The following ENOPH1 variants were observed in gnomAD, a reference collection of about 807,000 sequenced individuals.
ENOPH1 encodes the protein enolase-phosphatase E1.
In ENOPH1, 14 loss-of-function variants were observed where a neutral mutation model predicts 31.1. That is an observed-to-expected ratio of 0.45 (90% CI 0.30 to 0.70). The LOEUF (loss-of-function observed/expected upper bound fraction) is 0.70, where lower values mean the gene tolerates loss of function less well. ENOPH1 is among the 30% of genes least tolerant of loss of function. The pLI is 0.09. For missense variants in ENOPH1, 243 were observed against 321.5 expected (o/e 0.76, Z 1.87); for synonymous variants, 127 against 123.2 (o/e 1.03, Z -0.21).
rs79339737 is a variant in ENOPH1 at position 82,437,251 on chromosome 4, G to A, written c.84+6338G>A. ...CCTGTCATGTTCCAGGATATGGTAG[G>A]GATCCAGAGTCCTTAAGACCCAGCT... On this transcript the variant is annotated intron_variant, in intron 1 of 5. Transcript: ENST00000273920. 6.6e-4 allele frequency among the ~76,000 whole-genome samples: 101 copies of A among 152,176 alleles called. 1 individual carries two copies. The East Asian group carries it at 0.017, about 25-fold the overall frequency.
intron 5 of ENOPH1, among the ~76,000 whole-genome samples, chr4:82,459,629 C>A (rs562718899): frequency 6.6e-6 from 1 of 151,988 alleles, no homozygotes; most frequent in Non-Finnish European, 1.5e-5. Flanking sequence ...GCTCAGTTCT[C>A]GGTATGGGCT....
intron 2 of ENOPH1, among the ~76,000 whole-genome samples, chr4:82,450,465 T>C (rs1251916462): frequency 2.6e-5 from 4 of 152,236 alleles, no homozygotes; most frequent in Non-Finnish European, 5.9e-5. Context: ...GAAACATACA[T>C]ACATAGTCCC....
intron 2 of ENOPH1, among the ~76,000 whole-genome samples, chr4:82,450,387 T>C (rs1263014245): frequency 3.3e-5 from 5 of 152,234 alleles, no homozygotes; most frequent in African/African-American, 9.6e-5. Context: ...CAAGAACCTT[T>C]CAATGATGTT....
At chr4:82,437,693 A>G (rs1293662741) in intron 1 of ENOPH1, among the ~76,000 whole-genome samples, 2 of 152,170 alleles carry the variant, frequency 1.3e-5, no homozygotes, top group Non-Finnish European at 1.5e-5. Context: ...AGTATTTGCT[A>G]CTGGAGCCAA....
In ENOPH1 at chr4:82,456,912, C is replaced by G; in HGVS notation, c.523-3C>G. On this transcript the variant is annotated splice_region_variant and splice_polypyrimidine_tract_variant and intron_variant, in intron 4 of 5. Transcript: ENST00000273920. Reference sequence around the variant, plus strand: ...GCCAGTCTTTCCCCTTCTCTTTGTTCAGCTTGTTGATGGTCACTTTGATAC... The same window carrying G: ...GCCAGTCTTTCCCCTTCTCTTTGTTGAGCTTGTTGATGGTCACTTTGATAC... 1 of 1,613,358 alleles carries G rather than the reference C, an allele frequency of 6.2e-7. No individual in the cohort carries two copies.
chr4:82,455,591 T>C (rs1187921351), intron 4 of ENOPH1, among the ~76,000 whole-genome samples: 5 of 150,928 alleles, frequency 3.3e-5, no homozygotes, highest in South Asian at 2.1e-4. Flanking sequence ...CCATCCTGGC[T>C]AACATGGTGA....
chr4:82,444,431 C>G lies in ENOPH1; in HGVS notation c.85-3489C>G, dbSNP rs759023131. Among the ~76,000 whole-genome samples, 35 of 152,180 alleles carry G rather than the reference C, an allele frequency of 2.3e-4. 1 individual carries two copies. The highest frequency in any genetic ancestry group is 1.6e-4 in the Non-Finnish European group (11 of 68,036). ...AGAGACGGGGTTTCACTGTGTTGGC[C>G]TGGCCTCTCAGCACTATTTTTAGGA... On this transcript the variant is annotated intron_variant, in intron 1 of 5. Transcript: ENST00000273920.
At chr4:82,455,743 G>A (rs1432391199) in intron 4 of ENOPH1, among the ~76,000 whole-genome samples, 1 of 151,620 alleles carries the variant, frequency 6.6e-6, no homozygotes, top group Non-Finnish European at 1.5e-5. Flanking sequence ...CTGAGATCGT[G>A]CCACTGCACT....
intron 1 of ENOPH1, among the ~76,000 whole-genome samples, chr4:82,447,284 C>T (rs1212256121): frequency 6.6e-6 from 1 of 152,202 alleles, no homozygotes; most frequent in African/African-American, 2.4e-5. Context: ...CCATGCCCAG[C>T]TGCATATCAC....
At chr4:82,453,063 G>A (rs770886882) in intron 3 of ENOPH1, among the ~76,000 whole-genome samples, 3 of 151,854 alleles carry the variant, frequency 2.0e-5, no homozygotes, top group Non-Finnish European at 4.4e-5. Context: ...CACCACGCCC[G>A]GCTAATTTTT....
chr4:82,456,257 T>G (rs184685840), intron 4 of ENOPH1, among the ~76,000 whole-genome samples: 1 of 151,074 alleles, frequency 6.6e-6, no homozygotes, highest in East Asian at 1.9e-4. Context: ...AAACCCAGTT[T>G]GAGTGCTTAC....
At chr4:82,458,757 A>G (rs1722564995) in intron 5 of ENOPH1, among the ~76,000 whole-genome samples, 1 of 152,146 alleles carries the variant, frequency 6.6e-6, no homozygotes, top group Admixed American at 6.5e-5. Flanking sequence ...CAGTCAGGCT[A>G]GGAAGTAGGG....
At chr4:82,447,633 C>T (rs1272138335) in intron 1 of ENOPH1, among the ~76,000 whole-genome samples, 1 of 152,172 alleles carries the variant, frequency 6.6e-6, no homozygotes, top group Non-Finnish European at 1.5e-5. Context: ...AAAGTAGCCA[C>T]AGACATTATT....
chr4:82,454,840 G>A lies in ENOPH1; in HGVS notation c.508G>A (p.Gly170Arg). ...QKLLFGHSTE[G>R]DILELVDGHF... ...ACTGTTATTCGGGCATTCTACGGAG[G>A]GAGATATTCTTGAGGTAGGTTACCT... Residue 170 changes from glycine (G) to arginine (R), a missense_variant, in exon 4 of 6, where the codon GGA becomes AGA. Gly to Arg is a moderately radical substitution (Grantham distance 125). Transcript: ENST00000273920. 3.1e-6 allele frequency: 5 copies of A among 1,612,392 alleles called. No homozygotes were observed. The highest frequency in any genetic ancestry group is 4.2e-6 in the Non-Finnish European group (5 of 1,179,596).
rs188575638 is a variant in ENOPH1, at chr4:82,430,641, C to T, written c.-189C>T. 5.2e-6 allele frequency: 3 copies of T among 580,460 alleles called. No individual in the cohort carries two copies. Among genetic ancestry groups the T allele is most frequent in the East Asian group, 5.8e-5 (2 of 34,534 alleles). 36.0% of individuals were successfully genotyped at this position (580,460 alleles called of 1,614,324 possible). On this transcript the variant is annotated 5_prime_UTR_variant, in exon 1 of 6. Transcript: ENST00000273920. The stretch of plus-strand genomic sequence containing the variant: ...CACGAGTTCAGGGCTCCTGGGCGGC[C>T]GCCTTTTCCAGTTCCAGGTGTGCAG...
chr4:82,448,262 TTTTTTTTG>T (rs1722248829), intron 2 of ENOPH1, among the ~76,000 whole-genome samples: 1 of 125,286 alleles, frequency 8.0e-6, no homozygotes, highest in African/African-American at 2.9e-5. Flanking sequence ...TTTTGTTTTG[TTTTTTTTG>T]TTTTTTTTTG....
At chr4:82,454,209 G>T (rs1722425046) in intron 3 of ENOPH1, among the ~76,000 whole-genome samples, 1 of 151,972 alleles carries the variant, frequency 6.6e-6, no homozygotes, top group Non-Finnish European at 1.5e-5. Flanking sequence ...GCAAGACCCT[G>T]TCTCAAAAAA....
chr4:82,455,054 T>C (rs1190944913), intron 4 of ENOPH1, among the ~76,000 whole-genome samples, 200 bp downstream of exon 4: 1 of 152,214 alleles, frequency 6.6e-6, no homozygotes, highest in African/African-American at 2.4e-5. Context: ...GTTTATTCTG[T>C]GTCTTGAAAA....
intron 4 of ENOPH1, among the ~76,000 whole-genome samples, chr4:82,455,254 C>T (rs866604101): frequency 1.3e-5 from 2 of 152,160 alleles, no homozygotes; most frequent in Non-Finnish European, 2.9e-5. Flanking sequence ...AAGGTCGTCA[C>T]CTGTTGCATT....
Sources: allele counts gnomAD v4.1 joint callset (sites outside exome capture counted in the v4.1 genomes callset), GRCh38; gene constraint gnomAD v4.1.1; transcripts MANE v1.5; gene names NCBI Gene and HGNC (gene_info 2026-07-23, HGNC 2026-07-21).